TSPAN13: variants seen among roughly 807,000 people sequenced by gnomAD.
TSPAN13 encodes the protein tetraspanin-13.
A neutral mutation model predicts 26.9 loss-of-function variants in TSPAN13; 18 were observed. The ratio of observed to expected loss-of-function variants is 0.67; its 90% confidence interval spans 0.46 to 0.99. The LOEUF is 0.99. Among genes scored for constraint, TSPAN13 ranks in the 50% least tolerant of loss-of-function variants. The pLI is 0.00. For synonymous variants in TSPAN13, 116 were observed against 98.4 expected (o/e 1.18, Z -1.06); for missense variants, 201 against 249.6 (o/e 0.81, Z 1.31).
At chr7:16,755,879 A>T (rs1379912674) in intron 1 of TSPAN13, among the ~76,000 whole-genome samples, 1 of 152,184 alleles carries the variant, frequency 6.6e-6, no homozygotes, top group East Asian at 1.9e-4. Flanking sequence ...AGACTATTTA[A>T]TATCTATTCT....
At chr7:16,766,974 C>T (rs1784610609) in intron 1 of TSPAN13, among the ~76,000 whole-genome samples, 1 of 152,014 alleles carries the variant, frequency 6.6e-6, no homozygotes, top group African/African-American at 2.4e-5. Flanking sequence ...CTTTGTTGCC[C>T]AGGCTGGAGT....
chr7:16,772,266 G>T (rs1416136499), intron 1 of TSPAN13, among the ~76,000 whole-genome samples: 2 of 152,138 alleles, frequency 1.3e-5, no homozygotes, highest in Admixed American at 6.5e-5. Context: ...TTCCAGGCAG[G>T]TTCTATAACA....
rs370387722 is a variant in TSPAN13, at chr7:16,783,511, T to G, written c.*20T>G. 1 of 1,605,828 alleles carries G rather than the reference T, an allele frequency of 6.2e-7. No homozygotes were observed. The highest frequency in any genetic ancestry group is 8.5e-7 in the Non-Finnish European group (1 of 1,172,664). On this transcript the variant is annotated 3_prime_UTR_variant, in exon 6 of 6. Transcript: ENST00000262067. ...CTTTGATGAGAAAACAAGGAAGATT[T>G]CCTTTCGTATTATGATCTTGTTCAC...
intron 5 of TSPAN13, among the ~76,000 whole-genome samples, chr7:16,781,372 G>C (rs3807493): frequency 0.32 from 48,757 of 152,010 alleles, 8,061 homozygotes; most frequent in Non-Finnish European, 0.37. Flanking sequence ...ATATTTTGGT[G>C]ACCTACTGCA....
intron 1 of TSPAN13, among the ~76,000 whole-genome samples, chr7:16,759,414 A>T (rs1784516855): frequency 6.6e-6 from 1 of 152,038 alleles, no homozygotes; most frequent in Non-Finnish European, 1.5e-5. Flanking sequence ...AAACAACCAG[A>T]TCTCACGTGA....
At chr7:16,770,967 T>G (rs1372352091) in intron 1 of TSPAN13, among the ~76,000 whole-genome samples, 1 of 152,226 alleles carries the variant, frequency 6.6e-6, no homozygotes, top group Non-Finnish European at 1.5e-5. Context: ...CTGGATAGGT[T>G]GTTGTGGTTT....
chr7:16,773,166 G>GT (rs1378666485), intron 1 of TSPAN13, among the ~76,000 whole-genome samples: 1 of 150,970 alleles, frequency 6.6e-6, no homozygotes, highest in African/African-American at 2.4e-5. Context: ...AAAAATCTTG[G>GT]GGGGGGGCGG....
chr7:16,762,866 G>A (rs980216218), intron 1 of TSPAN13, among the ~76,000 whole-genome samples: 3 of 152,018 alleles, frequency 2.0e-5, no homozygotes, highest in Non-Finnish European at 4.4e-5. Flanking sequence ...CTTGTCTTTT[G>A]GGGGGAAACA....
rs1243318471 is a variant in TSPAN13, at chr7:16,783,441, A to G, written c.565A>G (p.Arg189Gly). The change falls in exon 6 of 6, where the codon AGA (arginine) becomes GGA (glycine). Residue 189 changes from arginine (R) to glycine (G), a missense_variant. Arg to Gly is a moderately radical substitution (Grantham distance 125). Transcript: ENST00000262067. ...TEILGVWLTY[R>G]YRNQKDPRAN... The stretch of plus-strand genomic sequence containing the variant: ...GATCCTGGGTGTTTGGCTGACCTAC[A>G]GATACAGGAACCAGAAAGACCCCCG... 3 of 1,613,784 alleles carry G rather than the reference A, an allele frequency of 1.9e-6. No homozygotes were observed. The highest frequency in any genetic ancestry group is 1.7e-6 in the Non-Finnish European group (2 of 1,179,842).
intron 1 of TSPAN13, among the ~76,000 whole-genome samples, chr7:16,755,849 G>C (rs1306249919): frequency 6.6e-6 from 1 of 152,150 alleles, no homozygotes; most frequent in Non-Finnish European, 1.5e-5. Flanking sequence ...AAAGAAAGGT[G>C]ATTCTAAAGG....
chr7:16,776,780 A>G (rs961405005), intron 2 of TSPAN13, among the ~76,000 whole-genome samples: 3 of 152,162 alleles, frequency 2.0e-5, no homozygotes, highest in African/African-American at 7.2e-5. Flanking sequence ...TAAATGTAAG[A>G]ATTTTTATTT....
At chr7:16,770,697 G>A (rs73679881) in intron 1 of TSPAN13, among the ~76,000 whole-genome samples, 4,786 of 151,010 alleles carry the variant, frequency 0.032, 259 homozygotes, top group African/African-American at 0.11. Flanking sequence ...TTTTTTCTTT[G>A]GGAATCCTGT....
intron 1 of TSPAN13, among the ~76,000 whole-genome samples, chr7:16,769,526 A>G (rs1386092184): frequency 7.1e-6 from 1 of 140,170 alleles, no homozygotes; most frequent in Non-Finnish European, 1.6e-5. Context: ...CTTCATATAT[A>G]TCTTATATTT....
chr7:16,767,855 A>G (rs1224597558), intron 1 of TSPAN13, among the ~76,000 whole-genome samples: 3 of 151,938 alleles, frequency 2.0e-5, no homozygotes, highest in Non-Finnish European at 4.4e-5. Context: ...ACCTTTCACC[A>G]CTTTTCAGTT....
intron 5 of TSPAN13, among the ~76,000 whole-genome samples, chr7:16,779,652 TTATG>T (rs1284851118): frequency 2.6e-5 from 4 of 152,086 alleles, no homozygotes; most frequent in East Asian, 1.9e-4. Context: ...AGTACAATAT[TTATG>T]TATGTGTATT....
intron 1 of TSPAN13, among the ~76,000 whole-genome samples, chr7:16,772,161 T>C (rs531614533): frequency 2.3e-4 from 35 of 152,308 alleles, no homozygotes; most frequent in African/African-American, 8.2e-4. Flanking sequence ...GAAACGATGA[T>C]GCAGATAATG....
intron 1 of TSPAN13, among the ~76,000 whole-genome samples, chr7:16,763,136 A>G (rs1425178652): frequency 1.3e-5 from 2 of 152,204 alleles, no homozygotes; most frequent in Non-Finnish European, 2.9e-5. Context: ...TAGAAAAAAG[A>G]TGGGACATTC....
intron 2 of TSPAN13, among the ~76,000 whole-genome samples, chr7:16,776,796 T>C (rs766728835): frequency 8.5e-5 from 13 of 152,258 alleles, no homozygotes; most frequent in Non-Finnish European, 1.6e-4. Context: ...TATTTTATTC[T>C]GAATGAAATT....
At chr7:16,783,291 T>A in intron 5 of TSPAN13, 126 bp from the exon 6 acceptor site, 1 of 904,652 alleles carries the variant, frequency 1.1e-6, no homozygotes, top group Admixed American at 2.7e-5. Flanking sequence ...AAAAAAAATC[T>A]CTCCCCGTTG....
Sources: allele counts gnomAD v4.1 joint callset (sites outside exome capture counted in the v4.1 genomes callset), GRCh38; gene constraint gnomAD v4.1.1; transcripts MANE v1.5; gene names NCBI Gene and HGNC (gene_info 2026-07-23, HGNC 2026-07-21).